OSBPL10: variants seen among roughly 807,000 people sequenced by gnomAD.
The protein encoded by OSBPL10 is oxysterol-binding protein-related protein 10.
Under a neutral mutation model 81.7 loss-of-function variants are expected in OSBPL10, and 49 were observed. That is an observed-to-expected ratio of 0.60 (90% CI 0.48 to 0.76). The LOEUF (loss-of-function observed/expected upper bound fraction) is 0.76, where lower values mean the gene tolerates loss of function less well. Among genes scored for constraint, OSBPL10 ranks in the 30% least tolerant of loss-of-function variants. The pLI is 0.00. For missense variants in OSBPL10, 923 were observed against 987.8 expected, an observed-to-expected ratio of 0.93 and a Z score of 0.88; for synonymous variants, 419 against 383.6, an observed-to-expected ratio of 1.09 and a Z score of -1.08.
chr3:32,008,320 T>C (rs28702970), intron 2 of OSBPL10, among the ~76,000 whole-genome samples: 48,442 of 150,800 alleles, frequency 0.32, 8,623 homozygotes, highest in African/African-American at 0.48. Context: ...GCTCAGCTAA[T>C]TTTTGTTTTT....
intron 3 of OSBPL10, among the ~76,000 whole-genome samples, chr3:31,869,163 T>A (rs1421206795): frequency 6.6e-6 from 1 of 152,186 alleles, no homozygotes; most frequent in Non-Finnish European, 1.5e-5. Context: ...GCTTGAGCTA[T>A]ATGACCTTAT....
chr3:32,016,340 G>A (rs1212309255), intron 2 of OSBPL10, among the ~76,000 whole-genome samples: 8 of 151,964 alleles, frequency 5.3e-5, no homozygotes, highest in African/African-American at 1.2e-4. Context: ...GCAAACCCTC[G>A]CAAGGACAAA....
At chr3:31,856,304 A>G (rs1172164422) in intron 3 of OSBPL10, among the ~76,000 whole-genome samples, 1 of 152,168 alleles carries the variant, frequency 6.6e-6, no homozygotes, top group Non-Finnish European at 1.5e-5. Flanking sequence ...CTGTTCTTAA[A>G]TTGTGTTTTA....
intron 4 of OSBPL10, among the ~76,000 whole-genome samples, chr3:31,796,897 T>C (rs990363955): frequency 6.6e-5 from 10 of 152,038 alleles, no homozygotes; most frequent in African/African-American, 2.4e-4. Flanking sequence ...TCCTCACTTC[T>C]CTCTACCCCA....
chr3:31,725,577 C>G (rs1039781706), intron 6 of OSBPL10, among the ~76,000 whole-genome samples: 1 of 152,176 alleles, frequency 6.6e-6, no homozygotes, highest in African/African-American at 2.4e-5. Flanking sequence ...ACTACAACCA[C>G]TTAGCACCTG....
At chr3:31,750,321 T>C (rs1186259938) in intron 4 of OSBPL10, among the ~76,000 whole-genome samples, 4 of 152,242 alleles carry the variant, frequency 2.6e-5, no homozygotes, top group Non-Finnish European at 4.4e-5. Context: ...TTTATGCTAG[T>C]GTGCAAGCAG....
At chr3:31,699,546 C>T (rs1695830870) in intron 7 of OSBPL10, among the ~76,000 whole-genome samples, 1 of 152,232 alleles carries the variant, frequency 6.6e-6, no homozygotes, top group African/African-American at 2.4e-5. Context: ...GGACCAGCTA[C>T]ATGCTGTGTG....
At chr3:32,077,265 A>C (rs1444615919) in intron 1 of OSBPL10, 2 of 152,156 alleles carry the variant, frequency 1.3e-5, no homozygotes, top group East Asian at 3.9e-4. Context: ...TTTGCAATGG[A>C]TGTTTCACTG....
chr3:31,914,780 A>G (rs1220482076), intron 1 of OSBPL10, among the ~76,000 whole-genome samples: 2 of 152,184 alleles, frequency 1.3e-5, no homozygotes, highest in African/African-American at 4.8e-5. Flanking sequence ...AAAAAATTCA[A>G]TCCCTCAGTC....
At chr3:31,833,055 A>G (rs1057313874) in intron 3 of OSBPL10, among the ~76,000 whole-genome samples, 29 of 152,234 alleles carry the variant, frequency 1.9e-4, no homozygotes, top group African/African-American at 6.0e-4. Flanking sequence ...GATAGGAAAT[A>G]ACCATATAAT....
intron 4 of OSBPL10, among the ~76,000 whole-genome samples, chr3:31,785,028 G>T (rs146642731): frequency 6.4e-4 from 97 of 152,088 alleles, no homozygotes; most frequent in Non-Finnish European, 1.0e-3. Context: ...GGAATTATAG[G>T]TACCTGCCAA....
In OSBPL10 at chr3:31,989,012, A is replaced by C. The variant is rs528676121; in HGVS notation, n.298+57479T>G. The C allele has an allele frequency of 1.9e-6, 3 of 1,583,092 alleles. No homozygotes were observed. In the Admixed American group the frequency reaches 5.4e-5, roughly 28 times the overall value. ...ATTTGTTTCTCGGAAACAGATAACT[A>C]ATACAGAGCAGGAAGCAGATCGCCT... On this transcript the variant is annotated intron_variant and non_coding_transcript_variant, in intron 2 of 3. Coordinates refer to the OSBPL10 transcript ENST00000479173.
At chr3:31,772,407 G>A (rs191181422) in intron 4 of OSBPL10, among the ~76,000 whole-genome samples, 35 of 152,336 alleles carry the variant, frequency 2.3e-4, no homozygotes, top group Middle Eastern at 3.4e-3. Flanking sequence ...TTGGGGAAAT[G>A]TATGTGTGGG....
At chr3:31,928,131 AC>A (rs1290862811) in intron 1 of OSBPL10, among the ~76,000 whole-genome samples, 2 of 152,212 alleles carry the variant, frequency 1.3e-5, no homozygotes, top group African/African-American at 4.8e-5. Context: ...CTCCTAAAGG[AC>A]AAATACCTTT....
intron 1 of OSBPL10, among the ~76,000 whole-genome samples, chr3:31,977,348 A>G (rs906989349): frequency 6.6e-6 from 1 of 152,158 alleles, no homozygotes; most frequent in African/African-American, 2.4e-5. Flanking sequence ...GACCACTCAG[A>G]TGGGCTCCTA....
chr3:31,946,371 AAAATT>A (rs1196036949), intron 1 of OSBPL10, among the ~76,000 whole-genome samples: 1 of 151,036 alleles, frequency 6.6e-6, no homozygotes, highest in Non-Finnish European at 1.5e-5. Flanking sequence ...GAATTTAAGA[AAAATT>A]AAGAATTTTA....
intron 1 of OSBPL10, among the ~76,000 whole-genome samples, chr3:31,902,258 A>ATTTTTCT (rs1696265479): frequency 8.5e-6 from 1 of 117,958 alleles, no homozygotes; most frequent in East Asian, 2.6e-4. Flanking sequence ...TCTTGTCAGT[A>ATTTTTCT]TTTTTTTTTT....
intron 6 of OSBPL10, among the ~76,000 whole-genome samples, chr3:31,721,213 A>G (rs905639170): frequency 6.6e-6 from 1 of 152,204 alleles, no homozygotes; most frequent in Admixed American, 6.5e-5. Context: ...AACAGATTCT[A>G]CCCTAGAGCG....
chr3:31,975,357 A>G (rs965577984), intron 1 of OSBPL10, among the ~76,000 whole-genome samples: 3 of 152,202 alleles, frequency 2.0e-5, no homozygotes, highest in African/African-American at 4.8e-5. Context: ...CAACCCTGGT[A>G]TCACCAATTC....
Sources: allele counts gnomAD v4.1 joint callset (sites outside exome capture counted in the v4.1 genomes callset), GRCh38; gene constraint gnomAD v4.1.1; transcripts MANE v1.5; gene names NCBI Gene and HGNC (gene_info 2026-07-23, HGNC 2026-07-21).